Variants in CALD1 observed in about 807,000 individuals in gnomAD.
CALD1 encodes the protein caldesmon 1.
Under a neutral mutation model 99.9 loss-of-function variants are expected in CALD1, and 33 were observed. That is an observed-to-expected ratio of 0.33 (90% CI 0.25 to 0.44). The LOEUF (loss-of-function observed/expected upper bound fraction) is 0.44, where lower values mean the gene tolerates loss of function less well. Among genes scored for constraint, CALD1 ranks in the 20% least tolerant of loss-of-function variants. The probability of loss-of-function intolerance (pLI) is 1.00; values close to 1 mark genes in which losing one functional copy is unlikely to be tolerated. For missense variants in CALD1, 861 were observed against 962.1 expected (o/e 0.89, Z 1.39); for synonymous variants, 310 against 325.0 (o/e 0.95, Z 0.50).
In CALD1 at chr7:134,851,941, G is replaced by C. The variant is rs1586109918; in HGVS notation, c.-42+7970G>C. Among the ~76,000 whole-genome samples the C allele has an allele frequency of 3.3e-5, 5 of 152,260 alleles. No homozygotes were observed. The South Asian group carries it at 1.0e-3, about 32-fold the overall frequency. ...CATTATTTGGAACTTGGAGTCTCAG[G>C]CCAGAATTCTTAAGCTTTTCAATGA... is the stretch of plus-strand genomic sequence containing the variant. On this transcript the variant is annotated intron_variant, in intron 2 of 14. Coordinates refer to ENST00000361675, the MANE Select transcript of CALD1 (RefSeq NM_033138.4).
intron 3 of CALD1, chr7:134,920,654 T>G: frequency 7.8e-7 from 1 of 1,289,330 alleles, no homozygotes; most frequent in Middle Eastern, 2.1e-4. Context: ...TATATGAAAG[T>G]GGACAGACAG....
At chr7:134,765,315 GAAA>G (rs201728154) in intron 1 of CALD1, among the ~76,000 whole-genome samples, 1 of 131,882 alleles carries the variant, frequency 7.6e-6, no homozygotes, top group Non-Finnish European at 1.6e-5. Context: ...CTCCGTCTCG[GAAA>G]AAAAAAAAAA....
intron 1 of CALD1, among the ~76,000 whole-genome samples, chr7:134,781,244 T>C (rs1255379853): frequency 1.3e-5 from 2 of 152,332 alleles, no homozygotes; most frequent in East Asian, 3.9e-4. Flanking sequence ...GAGCAATTTT[T>C]CTTTTAACTG....
intron 2 of CALD1, among the ~76,000 whole-genome samples, chr7:134,854,569 C>T (rs1231938196): frequency 1.3e-5 from 2 of 152,162 alleles, no homozygotes; most frequent in Non-Finnish European, 2.9e-5. Context: ...TTTGGCCATA[C>T]ACGCTACTGA....
intron 2 of CALD1, among the ~76,000 whole-genome samples, chr7:134,855,830 G>T (rs1393944885): frequency 1.3e-5 from 2 of 152,190 alleles, no homozygotes; most frequent in Non-Finnish European, 2.9e-5. Context: ...AGAAAAACAA[G>T]AAAGTATCAT....
chr7:134,730,042 G>C, the CALD1 span, among the ~76,000 whole-genome samples: 1 of 152,150 alleles, frequency 6.6e-6, no homozygotes, highest in African/African-American at 2.4e-5. Flanking sequence ...TGAGAGAGCA[G>C]AGGACATGAG....
At chr7:134,841,102 G>A (rs894584625) in intron 1 of CALD1, among the ~76,000 whole-genome samples, 8 of 151,840 alleles carry the variant, frequency 5.3e-5, no homozygotes, top group Non-Finnish European at 8.8e-5. Context: ...CATTTTTTTC[G>A]TGGAAAGATG....
upstream of CALD1, among the ~76,000 whole-genome samples, chr7:134,742,836 C>T (rs1796602909): frequency 6.6e-6 from 1 of 152,154 alleles, no homozygotes. Flanking sequence ...TCTCCCTGAG[C>T]AGTGTTCTGT....
intron 9 of CALD1, 122 bp from the exon 10 acceptor site, chr7:134,957,947 A>T: frequency 1.4e-6 from 1 of 724,046 alleles, no homozygotes; most frequent in Non-Finnish European, 2.4e-6. Context: ...ACAGTAACTC[A>T]AATACCCTTA....
intron 7 of CALD1, among the ~76,000 whole-genome samples, chr7:134,942,897 A>G (rs1806563452): frequency 6.6e-6 from 1 of 152,180 alleles, no homozygotes; most frequent in South Asian, 2.1e-4. Flanking sequence ...TTGTGTAGAA[A>G]TCCAAAAAGC....
chr7:134,830,682 G>A (rs542036362), intron 1 of CALD1, among the ~76,000 whole-genome samples: 47 of 152,118 alleles, frequency 3.1e-4, no homozygotes, highest in Non-Finnish European at 5.6e-4. Flanking sequence ...CTGTTCCTGC[G>A]TTAGTTTGCT....
intron 3 of CALD1, chr7:134,891,395 G>A (rs1480868949): frequency 9.5e-6 from 12 of 1,269,430 alleles, no homozygotes; most frequent in Admixed American, 7.3e-5. Context: ...ATCCTGTGAG[G>A]AGGGAACGGG....
rs1228854020 is a variant in CALD1, at chr7:134,945,114, A to G, written c.1533-2394A>G. Among the ~76,000 whole-genome samples the G allele has an allele frequency of 2.0e-5, 3 of 152,232 alleles. No individual in the cohort carries two copies. In the East Asian group the frequency reaches 5.8e-4, roughly 29 times the overall value. ...GGGATAGCATTCTGTCTGAAGTCTTAATATGTTCCCAATTCTGCAATGAAA... is the reference window on the plus strand; with the variant it reads ...GGGATAGCATTCTGTCTGAAGTCTTGATATGTTCCCAATTCTGCAATGAAA... On this transcript the variant is annotated intron_variant, in intron 7 of 14. Transcript: ENST00000361675.
At chr7:134,726,742 T>C in the CALD1 span, among the ~76,000 whole-genome samples, 1 of 152,048 alleles carries the variant, frequency 6.6e-6, no homozygotes, top group African/African-American at 2.4e-5. Context: ...AAGCATTTAA[T>C]AAAAGGGTAT....
chr7:134,771,161 CT>C (rs1278256124), intron 1 of CALD1, among the ~76,000 whole-genome samples: 3 of 152,174 alleles, frequency 2.0e-5, no homozygotes, highest in African/African-American at 7.2e-5. Flanking sequence ...TCTTTTCTGT[CT>C]GCACTCCCTC....
Position 134,941,117 on chromosome 7 carries a change from A to G in CALD1, c.1412A>G (p.Asp471Gly), listed in dbSNP as rs767413724. The change falls in exon 7 of 15, where the codon GAC (aspartate) becomes GGC (glycine). Residue 471 changes from aspartate (D) to glycine (G), a missense_variant. Coordinates refer to ENST00000361675, the MANE Select transcript of CALD1 (RefSeq NM_033138.4). ...ATCAAAGATGAAAAGATTAAAAAGG[A>G]CAAAGAACCCAAAGAAGAAGTTAAG... ...EEIKDEKIKK[D>G]KEPKEEVKSF... The G allele has an allele frequency of 1.9e-6, 3 of 1,611,164 alleles. No homozygotes were observed. Among genetic ancestry groups the G allele is most frequent in the Non-Finnish European group, 2.5e-6 (3 of 1,179,016 alleles).
At chr7:134,767,649 T>A in intron 1 of CALD1, among the ~76,000 whole-genome samples, 1 of 152,218 alleles carries the variant, frequency 6.6e-6, no homozygotes. Flanking sequence ...ACAGGCTTCC[T>A]TGAGCATGAA....
At chr7:134,822,837 T>C (rs897704153) in intron 1 of CALD1, among the ~76,000 whole-genome samples, 1 of 152,034 alleles carries the variant, frequency 6.6e-6, no homozygotes, top group African/African-American at 2.4e-5. Flanking sequence ...TTTGGCGATA[T>C]AGTTAGTTGC....
At chr7:134,828,505 A>G (rs1046683282) in intron 1 of CALD1, among the ~76,000 whole-genome samples, 7 of 152,224 alleles carry the variant, frequency 4.6e-5, no homozygotes, top group African/African-American at 1.7e-4. Flanking sequence ...ACAAAACTGC[A>G]TCATCTGTTC....
Sources: gnomAD v4.1 joint callset for allele counts (sites outside exome capture counted in the v4.1 genomes callset) on GRCh38, gnomAD v4.1.1 for gene constraint, MANE v1.5 for transcripts, NCBI Gene and HGNC (gene_info 2026-07-23, HGNC 2026-07-21) for gene names.